PRKG1: variants seen among roughly 807,000 people sequenced by gnomAD.
PRKG1 encodes the protein protein kinase cGMP-dependent 1.
In PRKG1, 35 loss-of-function variants were observed where a neutral mutation model predicts 88.1. The observed-to-expected ratio is 0.40, with a 90% CI of 0.30 to 0.53. The LOEUF is 0.53. Among genes scored for constraint, PRKG1 ranks in the 20% least tolerant of loss-of-function variants. The pLI, the probability that PRKG1 is intolerant of heterozygous loss-of-function variation, is 0.59. For missense variants in PRKG1, 540 were observed against 839.8 expected, an observed-to-expected ratio of 0.64 and a Z score of 4.41; for synonymous variants, 303 against 292.5, an observed-to-expected ratio of 1.04 and a Z score of -0.37.
chr10:51,412,644 A>T (rs1170123914), intron 2 of PRKG1, among the ~76,000 whole-genome samples: 1 of 152,148 alleles, frequency 6.6e-6, no homozygotes. Flanking sequence ...ACTCTGTCTC[A>T]AACAATAAAT....
At chr10:51,276,834 T>G (rs1291704062) in intron 2 of PRKG1, among the ~76,000 whole-genome samples, 3 of 152,214 alleles carry the variant, frequency 2.0e-5, no homozygotes, top group African/African-American at 7.2e-5. Context: ...TAAATTTGTT[T>G]GATTTCATTG....
chr10:51,854,114 T>C (rs1840622687), intron 4 of PRKG1, among the ~76,000 whole-genome samples: 1 of 152,132 alleles, frequency 6.6e-6, no homozygotes, highest in African/African-American at 2.4e-5. Context: ...AATTGATGAG[T>C]AAATTTAAGT....
chr10:52,064,418 G>A (rs927918398), intron 7 of PRKG1, among the ~76,000 whole-genome samples: 2 of 152,204 alleles, frequency 1.3e-5, no homozygotes, highest in Non-Finnish European at 2.9e-5. Flanking sequence ...TCCTGTGAGG[G>A]CCAGGGGGCC....
intron 5 of PRKG1, among the ~76,000 whole-genome samples, chr10:51,940,894 A>G (rs1024084158): frequency 2.0e-5 from 3 of 152,008 alleles, no homozygotes; most frequent in African/African-American, 7.3e-5. Flanking sequence ...CATTATCTAT[A>G]TGATGAAAGT....
intron 2 of PRKG1, among the ~76,000 whole-genome samples, chr10:51,281,513 C>T (rs1444618018): frequency 6.6e-6 from 1 of 152,120 alleles, no homozygotes; most frequent in African/African-American, 2.4e-5. Flanking sequence ...GGGAGGGGTG[C>T]CCGCCATTGC....
chr10:51,760,579 C>T (rs1837994754), intron 3 of PRKG1, among the ~76,000 whole-genome samples: 2 of 150,028 alleles, frequency 1.3e-5, no homozygotes, highest in Non-Finnish European at 3.0e-5. Context: ...TCAAACGATT[C>T]TCCTGCCTCA....
At chr10:52,023,318 A>G (rs1450175833) in intron 5 of PRKG1, among the ~76,000 whole-genome samples, 1 of 152,178 alleles carries the variant, frequency 6.6e-6, no homozygotes, top group Non-Finnish European at 1.5e-5. Context: ...TCTATCATAG[A>G]TGGGCATTTG....
chr10:52,089,315 C>A (rs1483778964), intron 7 of PRKG1, among the ~76,000 whole-genome samples: 1 of 152,118 alleles, frequency 6.6e-6, no homozygotes, highest in Non-Finnish European at 1.5e-5. Flanking sequence ...GTGAAAAATG[C>A]ATTTTATAAT....
intron 1 of PRKG1, among the ~76,000 whole-genome samples, chr10:51,077,793 G>T (rs978438796): frequency 6.6e-6 from 1 of 152,060 alleles, no homozygotes; most frequent in Non-Finnish European, 1.5e-5. Flanking sequence ...GTAGCAAATT[G>T]GAATCTGTAT....
Position 51,231,929 on chromosome 10 carries a change from T to G in PRKG1, c.478+78599T>G, listed in dbSNP as rs140740855. 1.4e-3 allele frequency among the ~76,000 whole-genome samples: 213 copies of G among 152,326 alleles called. 1 individual carries two copies. Among genetic ancestry groups the G allele is most frequent in the African/African-American group, 4.9e-3 (203 of 41,578 alleles). On this transcript the variant is annotated intron_variant, in intron 2 of 17. Transcript: ENST00000373980. ...GTTTAACAATCTGAGGTTTTATGTC[T>G]TTTTGGTGAGGTCATTGAATACCAG...
At chr10:51,732,709 G>C (rs962979112) in intron 3 of PRKG1, among the ~76,000 whole-genome samples, 1 of 152,052 alleles carries the variant, frequency 6.6e-6, no homozygotes, top group African/African-American at 2.4e-5. Flanking sequence ...TGAGTTGATA[G>C]CTAAATTGAA....
In PRKG1 at chr10:52,282,009, A is replaced by ATAGAC. The variant is rs200218300; in HGVS notation, c.1546-141_1546-137dup. ...GCATCAGGGAGACTGTCTTTGCAAT[A>ATAGAC]TAGACTATTCTTTTTGGAAGACAGA... On this transcript the variant is annotated intron_variant, in intron 13 of 17. Coordinates refer to ENST00000373980, the MANE Select transcript of PRKG1 (RefSeq NM_006258.4). 2,205 of 857,804 alleles carry ATAGAC rather than the reference A, an allele frequency of 2.6e-3. 39 individuals carry two copies. In the African/African-American group the frequency reaches 0.034, roughly 13 times the overall value. The allele number at this position is 857,804 out of a possible 1,614,324, so 53.1% of individuals were successfully genotyped here.
intron 7 of PRKG1, among the ~76,000 whole-genome samples, chr10:52,129,493 A>G (rs1223729396): frequency 1.3e-5 from 2 of 152,196 alleles, no homozygotes; most frequent in African/African-American, 4.8e-5. Context: ...TGTTAATACT[A>G]AATCAGATAG....
intron 5 of PRKG1, among the ~76,000 whole-genome samples, chr10:52,014,500 G>A (rs955078585): frequency 2.2e-4 from 34 of 152,164 alleles, no homozygotes; most frequent in South Asian, 4.1e-4. Context: ...TGATATTTGG[G>A]TGGGGACACA....
chr10:51,573,751 G>A (rs1837814985), intron 3 of PRKG1, among the ~76,000 whole-genome samples: 1 of 151,818 alleles, frequency 6.6e-6, no homozygotes, highest in South Asian at 2.1e-4. Context: ...TACTTTACAT[G>A]TTGAACTCGG....
intron 2 of PRKG1, among the ~76,000 whole-genome samples, chr10:51,278,002 T>G (rs1368058078): frequency 6.6e-6 from 1 of 151,998 alleles, no homozygotes; most frequent in East Asian, 1.9e-4. Flanking sequence ...TGAATAGGAG[T>G]GGTGAGAGAG....
At chr10:51,385,189 A>G (rs1240076905) in intron 2 of PRKG1, among the ~76,000 whole-genome samples, 1 of 152,284 alleles carries the variant, frequency 6.6e-6, no homozygotes, top group Non-Finnish European at 1.5e-5. Flanking sequence ...GTGTTATCAG[A>G]AAAAAAGTAA....
chr10:51,427,610 T>C (rs1018041649), intron 2 of PRKG1, among the ~76,000 whole-genome samples: 15 of 152,202 alleles, frequency 9.9e-5, no homozygotes, highest in African/African-American at 3.6e-4. Context: ...GGCTGAAGGC[T>C]GATCTGTGGC....
intron 9 of PRKG1, among the ~76,000 whole-genome samples, chr10:52,188,241 CATATATATGTGTATATATAT>C (rs1564508966): frequency 5.0e-3 from 19 of 3,782 alleles, no homozygotes; most frequent in East Asian, 0.041. Context: ...TATATATATA[CATATATATGTGTATATATAT>C]ACATATGTAT....
Sources: gnomAD v4.1 joint callset for allele counts (sites outside exome capture counted in the v4.1 genomes callset) on GRCh38, gnomAD v4.1.1 for gene constraint, MANE v1.5 for transcripts, NCBI Gene and HGNC (gene_info 2026-07-23, HGNC 2026-07-21) for gene names.